Variants in LAMA2 observed in about 807,000 individuals in gnomAD.
LAMA2 encodes laminin subunit alpha 2, also known as laminin subunit alpha-2.
LAMA2 carries 269 observed loss-of-function variants against 364.8 expected under a neutral mutation model. The observed-to-expected ratio is 0.74, with a 90% confidence interval of 0.67 to 0.82. The LOEUF (loss-of-function observed/expected upper bound fraction) is 0.82, where lower values mean the gene tolerates loss of function less well. Ranked by LOEUF, LAMA2 falls within the 40% of genes least tolerant of loss-of-function variation. The probability of loss-of-function intolerance (pLI) is 0.00; values close to 1 mark genes in which losing one functional copy is unlikely to be tolerated. For synonymous variants in LAMA2, 1,379 were observed against 1,370.6 expected, an observed-to-expected ratio of 1.01 and a Z score of -0.14; for missense variants, 3,807 against 3,873.2, an observed-to-expected ratio of 0.98 and a Z score of 0.45.
At chr6:129,023,909 T>C (rs1007283388) in intron 1 of LAMA2, among the ~76,000 whole-genome samples, 1 of 152,226 alleles carries the variant, frequency 6.6e-6, no homozygotes, top group Non-Finnish European at 1.5e-5. Flanking sequence ...TATTTTTCTG[T>C]TTGTCATTCA....
intron 45 of LAMA2, among the ~76,000 whole-genome samples, chr6:129,450,355 T>G (rs1782615297): frequency 6.6e-6 from 1 of 151,898 alleles, no homozygotes; most frequent in Non-Finnish European, 1.5e-5. Flanking sequence ...AGTCTCACTT[T>G]GTCACCCAGG....
intron 29 of LAMA2, among the ~76,000 whole-genome samples, chr6:129,340,198 G>A (rs2114562790): frequency 6.6e-6 from 1 of 152,234 alleles, no homozygotes; most frequent in South Asian, 2.1e-4. Context: ...AAGGGAGAAT[G>A]GGAGATGAAG....
rs66896334 is a variant in LAMA2, at chr6:129,251,040, T to TTCTCTC, written c.1884+859_1884+864dup. ...TTTCTCTCTCTCTCTGTCTCTCTCT[T>TTCTCTC]TCTCTCTCTCTCTCTCTCTCTCTCT... On this transcript the variant is annotated intron_variant, in intron 13 of 64. Transcript: ENST00000421865. Among the ~76,000 whole-genome samples, 536 of 61,378 alleles carry TTCTCTC rather than the reference T, an allele frequency of 8.7e-3. 13 individuals are homozygous for TTCTCTC. The highest frequency in any genetic ancestry group is 0.016 in the African/African-American group (231 of 14,196). The allele number at this position is 61,378 out of a possible 152,430, so 40.3% of individuals were successfully genotyped here.
intron 1 of LAMA2, among the ~76,000 whole-genome samples, chr6:129,011,962 A>T (rs1304653253): frequency 6.6e-6 from 1 of 152,162 alleles, no homozygotes; most frequent in Non-Finnish European, 1.5e-5. Flanking sequence ...AATAAAGAAA[A>T]TGTATTAAAA....
At chr6:129,400,929 G>T (rs929628564) in intron 37 of LAMA2, among the ~76,000 whole-genome samples, 1 of 152,164 alleles carries the variant, frequency 6.6e-6, no homozygotes, top group African/African-American at 2.4e-5. Flanking sequence ...GTTAGAAATG[G>T]ATGCTCCATC....
intron 40 of LAMA2, among the ~76,000 whole-genome samples, chr6:129,410,672 G>T (rs965373082): frequency 6.6e-6 from 1 of 152,098 alleles, no homozygotes; most frequent in African/African-American, 2.4e-5. Context: ...GGATGGATAG[G>T]TGGATAATAG....
At chr6:129,194,998 A>G (rs1001524495) in intron 12 of LAMA2, among the ~76,000 whole-genome samples, 1 of 152,192 alleles carries the variant, frequency 6.6e-6, no homozygotes, top group Non-Finnish European at 1.5e-5. Context: ...CCAGAATCTG[A>G]CAGAAATAGC....
At position 129,440,858 on chromosome 6, in the gene LAMA2, A is replaced by G. The variant is rs144155507; in HGVS notation, c.6128A>G (p.Gln2043Arg). Reference protein sequence around the residue: ...KLQAVKDKARQANDTAKDVLA... With the variant: ...KLQAVKDKARRANDTAKDVLA... ...CAAGCTGTTAAGGACAAAGCCAGAC[A>G]AGCCAACGACACAGCTAAAGATGTA... is the stretch of plus-strand genomic sequence containing the variant. Residue 2043 changes from glutamine (Q) to arginine (R), a missense_variant, in exon 43 of 65, where the codon CAA (glutamine) becomes CGA (arginine). This residue lies in a region of LAMA2 where 3,333 missense variants were observed against 3,345.7 expected (regional missense o/e 1.00). Coordinates refer to ENST00000421865, the MANE Select transcript of LAMA2 (RefSeq NM_000426.4). The G allele has an allele frequency of 8.9e-4, 1,440 of 1,614,006 alleles. 2 individuals carry two copies. The highest frequency in any genetic ancestry group is 1.1e-3 in the Non-Finnish European group (1,316 of 1,179,918).
chr6:129,074,541 G>T (rs542088027), intron 3 of LAMA2, among the ~76,000 whole-genome samples: 135 of 152,228 alleles, frequency 8.9e-4, no homozygotes, highest in African/African-American at 3.1e-3. Context: ...TGCCTTGGTT[G>T]CTTGCTGATG....
chr6:129,450,156 C>T (rs536472083), intron 45 of LAMA2, among the ~76,000 whole-genome samples: 4 of 144,506 alleles, frequency 2.8e-5, no homozygotes, highest in Admixed American at 7.0e-5. Flanking sequence ...CATGGAATCC[C>T]GTTTTTTTTT....
rs185969185 is a variant in LAMA2, at chr6:129,511,202, T to A, written c.8858-1161T>A. Among the ~76,000 whole-genome samples, 1,085 of 152,202 alleles carry A rather than the reference T, an allele frequency of 7.1e-3. 13 individuals are homozygous for A. The highest frequency in any genetic ancestry group is 0.025 in the African/African-American group (1,028 of 41,526). On this transcript the variant is annotated intron_variant, in intron 62 of 64. Coordinates refer to ENST00000421865, the MANE Select transcript of LAMA2 (RefSeq NM_000426.4). ...ATCACTTCACTGGAAAACATACAAT[T>A]CATCTTAACCTTTGACATCTTTGTT...
chr6:129,274,415 A>C (rs1460923422), intron 17 of LAMA2, among the ~76,000 whole-genome samples: 2 of 151,878 alleles, frequency 1.3e-5, no homozygotes, highest in Non-Finnish European at 2.9e-5. Context: ...CAGGTTATTC[A>C]GAGAAAAAAA....
intron 34 of LAMA2, among the ~76,000 whole-genome samples, chr6:129,373,936 C>A (rs1389378486): frequency 6.6e-6 from 1 of 152,134 alleles, no homozygotes; most frequent in Non-Finnish European, 1.5e-5. Context: ...CTTTTATGCC[C>A]TTTTCATACT....
At chr6:128,962,911 T>C (rs1237146601) in intron 1 of LAMA2, among the ~76,000 whole-genome samples, 1 of 152,230 alleles carries the variant, frequency 6.6e-6, no homozygotes, top group Admixed American at 6.5e-5. Context: ...CCACATCTCT[T>C]ATTAATGAAA....
chr6:128,922,311 T>G (rs1164120850), intron 1 of LAMA2, among the ~76,000 whole-genome samples: 22 of 151,338 alleles, frequency 1.5e-4, no homozygotes, highest in Non-Finnish European at 2.5e-4. Context: ...TGAACTAGTT[T>G]ACAGTCCCAC....
intron 3 of LAMA2, among the ~76,000 whole-genome samples, chr6:129,095,937 G>T (rs1026556626): frequency 6.6e-6 from 1 of 150,438 alleles, no homozygotes; most frequent in Non-Finnish European, 1.5e-5. Flanking sequence ...AAAAAAAAAA[G>T]TGTAAAAGCT....
chr6:128,968,961 A>C (rs1390177761), intron 1 of LAMA2, among the ~76,000 whole-genome samples: 3 of 152,188 alleles, frequency 2.0e-5, no homozygotes, highest in Non-Finnish European at 4.4e-5. Flanking sequence ...AACAGATCAT[A>C]AGGAGACAAG....
rs541150853 is a variant in LAMA2, at chr6:129,364,467, GTATAT to G, written c.4718-1747_4718-1743del. On this transcript the variant is annotated intron_variant, in intron 32 of 64. Coordinates refer to ENST00000421865, the MANE Select transcript of LAMA2 (RefSeq NM_000426.4). ...AGAAATTGTAACTGTATACATGAGA[GTATAT>G]TATAAATGCAGTAGTTCCTGCTCCT... Among the ~76,000 whole-genome samples the G allele has an allele frequency of 3.2e-3, 489 of 152,262 alleles. 1 individual carries two copies. Among genetic ancestry groups the G allele is most frequent in the African/African-American group, 0.011 (475 of 41,554 alleles).
chr6:129,215,151 T>C (rs1262081771), intron 12 of LAMA2, among the ~76,000 whole-genome samples: 2 of 152,194 alleles, frequency 1.3e-5, no homozygotes, highest in African/African-American at 4.8e-5. Context: ...GACTTAGAAA[T>C]TGGCTTTGTT....
Sources: allele counts gnomAD v4.1 joint callset (sites outside exome capture counted in the v4.1 genomes callset), GRCh38; gene constraint gnomAD v4.1.1; regional missense constraint gnomAD v4.1.1; transcripts MANE v1.5; gene names NCBI Gene and HGNC (gene_info 2026-07-23, HGNC 2026-07-21).